PSMC6: variants seen among roughly 807,000 people sequenced by gnomAD.
PSMC6 encodes the protein proteasome 26S subunit, ATPase 6, also known as 26S proteasome regulatory subunit 10B.
PSMC6 carries 3 observed loss-of-function variants against 55.9 expected under a neutral mutation model. The observed-to-expected ratio is 0.05, with a 90% CI of 0.02 to 0.14. The LOEUF (loss-of-function observed/expected upper bound fraction) is 0.14. Among genes scored for constraint, PSMC6 ranks in the 10% least tolerant of loss-of-function variants. The pLI, the probability that PSMC6 is intolerant of heterozygous loss-of-function variation, is 1.00. For synonymous variants in PSMC6, 137 were observed against 155.9 expected, an observed-to-expected ratio of 0.88 and a Z score of 0.90; for missense variants, 210 against 478.7, an observed-to-expected ratio of 0.44 and a Z score of 5.24.
chr14:52,722,783 G>C (rs1309179309), intron 12 of PSMC6: 1 of 152,178 alleles, frequency 6.6e-6, no homozygotes, highest in Non-Finnish European at 1.5e-5. Flanking sequence ...TGTAACCCAA[G>C]CATGCTCATT....
At chr14:52,708,210 A>G in intron 1 of PSMC6, 99 bp from the exon 2 acceptor site, 1 of 1,009,626 alleles carries the variant, frequency 9.9e-7, no homozygotes, top group Non-Finnish European at 1.5e-6. Flanking sequence ...AACTTAGGTA[A>G]AGTGAAGTAG....
At chr14:52,713,397 A>G (rs1026789494) in intron 6 of PSMC6, among the ~76,000 whole-genome samples, 2 of 152,202 alleles carry the variant, frequency 1.3e-5, no homozygotes, top group Non-Finnish European at 2.9e-5. Context: ...AAAATTGTAT[A>G]TACCTTTTCT....
intron 13 of PSMC6, among the ~76,000 whole-genome samples, chr14:52,726,563 G>A (rs1880421407): frequency 6.6e-6 from 1 of 152,126 alleles, no homozygotes; most frequent in African/African-American, 2.4e-5. Flanking sequence ...TGTGTTGGTA[G>A]TTTTGATTGC....
At chr14:52,711,058 G>T (rs376716862) in intron 4 of PSMC6, 43 bp from the exon 5 acceptor site, 2 of 1,151,608 alleles carry the variant, frequency 1.7e-6, no homozygotes, top group East Asian at 2.5e-5. Flanking sequence ...GTGTTATTCC[G>T]TTTTTAAGTG....
At chr14:52,723,742 A>G in intron 12 of PSMC6, 1 of 1,071,740 alleles carries the variant, frequency 9.3e-7, no homozygotes, top group Non-Finnish European at 1.2e-6. Flanking sequence ...TTTTGGTGAT[A>G]TTTCCTGTTT....
chr14:52,707,237 T>A lies in PSMC6; in HGVS notation c.18T>A (p.Asp6Glu). The A allele has an allele frequency of 6.2e-7, 1 of 1,613,786 alleles. No homozygotes were observed. Among genetic ancestry groups the A allele is most frequent in the Non-Finnish European group, 8.5e-7 (1 of 1,179,990 alleles). ...TTCTCATCATGGCGGACCCTAGAGA[T>A]AAGGCGCTTCAGGACTACCGCAAGA... is the stretch of plus-strand genomic sequence containing the variant. The part of the protein sequence containing the change: MADPR[D>E]KALQDYRKKL... Residue 6 changes from aspartate (D) to glutamate (E), a missense_variant, in exon 1 of 14, where the codon GAT becomes GAA. By Grantham distance (45) the Asp-to-Glu change is conservative. Coordinates refer to ENST00000445930, the MANE Select transcript of PSMC6 (RefSeq NM_002806.5).
intron 6 of PSMC6, among the ~76,000 whole-genome samples, chr14:52,711,993 G>T (rs964728937): frequency 6.6e-6 from 1 of 152,140 alleles, no homozygotes; most frequent in Non-Finnish European, 1.5e-5. Context: ...CTGGCTTTAG[G>T]ATTGTCTTAA....
intron 4 of PSMC6, chr14:52,709,104 C>T (rs1031807223): frequency 1.7e-4 from 44 of 254,062 alleles, no homozygotes; most frequent in Non-Finnish European, 2.0e-4. Flanking sequence ...ATTTTAATGT[C>T]ATTTTTAAAG....
chr14:52,718,414 TCC>T, intron 9 of PSMC6, 62 bp downstream of exon 9: 1 of 1,510,658 alleles, frequency 6.6e-7, no homozygotes, highest in Non-Finnish European at 9.1e-7. Flanking sequence ...AGAACCTTTT[TCC>T]CTCTCTTAAT....
In PSMC6 at chr14:52,720,959, A is replaced by G. The variant is rs148193630; in HGVS notation, c.876A>G (p.Pro292=). The change falls in exon 11 of 14, where the codon CCA becomes CCG. Residue 292 remains proline, a synonymous_variant. Transcript: ENST00000445930. ...PDTLDPALLR[P]GRLDRKIHID... Reference sequence around the variant, plus strand: ...CACTGGATCCTGCTTTGCTGCGTCCAGGAAGATTAGATAGAAAAATACGTG... The same window carrying G: ...CACTGGATCCTGCTTTGCTGCGTCCGGGAAGATTAGATAGAAAAATACGTG... The G allele has an allele frequency of 5.2e-3, 8,445 of 1,613,480 alleles. 29 individuals carry two copies. The highest frequency in any genetic ancestry group is 6.5e-3 in the Non-Finnish European group (7,640 of 1,179,614).
chr14:52,717,245 C>T (rs528454384), intron 7 of PSMC6, among the ~76,000 whole-genome samples: 12 of 150,738 alleles, frequency 8.0e-5, no homozygotes, highest in Non-Finnish European at 1.3e-4. Flanking sequence ...CATAAATATA[C>T]AATTTATTTG....
At chr14:52,708,221 A>G in intron 1 of PSMC6, 88 bp from the exon 2 acceptor site, 1 of 1,113,350 alleles carries the variant, frequency 9.0e-7, no homozygotes, top group Non-Finnish European at 1.3e-6. Context: ...AGTGAAGTAG[A>G]CTTACGTAAA....
rs1338289164 is a variant in PSMC6 at position 52,727,661 on chromosome 14, A to C, written c.*44A>C. On this transcript the variant is annotated 3_prime_UTR_variant, in exon 14 of 14. Transcript: ENST00000445930. ...ATGGCTGCATGACAGATGTTGGCTT[A>C]TTGTAAAAATAAAGTTAAAGAAAAT... The C allele has an allele frequency of 7.5e-7, 1 of 1,337,974 alleles. No homozygotes were observed. The highest frequency in any genetic ancestry group is 1.1e-6 in the Non-Finnish European group (1 of 943,018). The allele number at this position is 1,337,974 out of a possible 1,614,324, so 82.9% of individuals were successfully genotyped here.
intron 4 of PSMC6, chr14:52,709,893 A>C (rs2041748357): frequency 5.1e-6 from 1 of 194,644 alleles, no homozygotes; most frequent in Non-Finnish European, 1.1e-5. Flanking sequence ...GGATTTTCAG[A>C]TTAAGAATAC....
intron 10 of PSMC6, among the ~76,000 whole-genome samples, chr14:52,720,056 C>A (rs1246351755): frequency 1.4e-4 from 21 of 151,990 alleles, no homozygotes; most frequent in African/African-American, 4.3e-4. Context: ...AACACCATCT[C>A]TAGTAAAGAT....
chr14:52,708,728 A>C, intron 3 of PSMC6, 36 bp from the exon 4 acceptor site: 1 of 1,609,764 alleles, frequency 6.2e-7, no homozygotes. Context: ...TTTACTTTCT[A>C]TTTTTCAATT....
At chr14:52,723,038 TAG>T (rs1566661636) in intron 12 of PSMC6, 2 of 152,208 alleles carry the variant, frequency 1.3e-5, no homozygotes, top group African/African-American at 4.8e-5. Flanking sequence ...TTGCCCCTGT[TAG>T]AGAGTTTTGA....
chr14:52,708,947 T>C, intron 4 of PSMC6, 131 bp downstream of exon 4: 2 of 1,318,738 alleles, frequency 1.5e-6, no homozygotes, highest in Non-Finnish European at 1.0e-6. Flanking sequence ...TGTTCAGACA[T>C]AGCTAGTTAT....
At chr14:52,708,081 T>G (rs542368115) in intron 1 of PSMC6, among the ~76,000 whole-genome samples, 1 of 152,316 alleles carries the variant, frequency 6.6e-6, no homozygotes, top group Admixed American at 6.5e-5. Context: ...CTTAAACAAG[T>G]ATTGCCGATC....
Sources: allele counts gnomAD v4.1 joint callset (sites outside exome capture counted in the v4.1 genomes callset), GRCh38; gene constraint gnomAD v4.1.1; transcripts MANE v1.5; gene names NCBI Gene and HGNC (gene_info 2026-07-23, HGNC 2026-07-21).